Variants in MBNL2 observed in about 807,000 individuals in gnomAD.
MBNL2 encodes muscleblind like splicing regulator 2.
A neutral mutation model predicts 41.9 loss-of-function variants in MBNL2; 17 were observed. The ratio of observed to expected loss-of-function variants is 0.41; its 90% CI spans 0.28 to 0.61. The LOEUF (loss-of-function observed/expected upper bound fraction) is 0.61, where lower values mean the gene tolerates loss of function less well. Ranked by LOEUF, MBNL2 falls within the 20% of genes least tolerant of loss-of-function variation. MBNL2 has a pLI of 0.35. For missense variants in MBNL2, 336 were observed against 505.6 expected, an observed-to-expected ratio of 0.66 and a Z score of 3.22; for synonymous variants, 195 against 182.9, an observed-to-expected ratio of 1.07 and a Z score of -0.53.
chr13:97,200,226 A>G, the MBNL2 span, among the ~76,000 whole-genome samples: 1 of 152,200 alleles, frequency 6.6e-6, no homozygotes, highest in Non-Finnish European at 1.5e-5. Context: ...TGTAAGGAGC[A>G]GATCTTTGGG....
chr13:97,335,367 A>C (rs2060789814), intron 3 of MBNL2, among the ~76,000 whole-genome samples: 1 of 152,136 alleles, frequency 6.6e-6, no homozygotes, highest in Admixed American at 6.5e-5. Flanking sequence ...TTTGTATAAA[A>C]ATCCCTTTAT....
chr13:97,264,596 A>G (rs775245518), intron 1 of MBNL2, among the ~76,000 whole-genome samples: 2 of 152,190 alleles, frequency 1.3e-5, no homozygotes, highest in Non-Finnish European at 2.9e-5. Flanking sequence ...AGTTATGGCA[A>G]TATATTGATT....
chr13:97,269,293 T>C (rs1286494886), intron 1 of MBNL2, among the ~76,000 whole-genome samples: 1 of 152,230 alleles, frequency 6.6e-6, no homozygotes, highest in Admixed American at 6.5e-5. Context: ...AGAGACCCTG[T>C]TCCCAGTGCA....
Position 97,393,785 on chromosome 13 carries a change from CTTTG to C in MBNL2, c.*2340_*2343del, listed in dbSNP as rs1376717508. 1 of 152,402 alleles carries C rather than the reference CTTTG, an allele frequency of 6.6e-6. No homozygotes were observed. The highest frequency in any genetic ancestry group is 1.5e-5 in the Non-Finnish European group (1 of 67,954). 9.4% of individuals were successfully genotyped at this position (152,402 alleles called of 1,614,324 possible). ...GACTATGATGAATAAATCTTAAATG[CTTTG>C]TTTAATTAAAAAACAAAAATCACCA... is the stretch of plus-strand genomic sequence containing the variant. On this transcript the variant is annotated 3_prime_UTR_variant, in exon 9 of 9. Coordinates refer to ENST00000679496, the MANE Select transcript of MBNL2 (RefSeq NM_001382683.1).
chr13:97,314,594 T>C (rs2058878605), intron 2 of MBNL2, among the ~76,000 whole-genome samples: 1 of 152,212 alleles, frequency 6.6e-6, no homozygotes, highest in Admixed American at 6.5e-5. Flanking sequence ...TATCACTCAA[T>C]CATGCAATGA....
rs768580262 is a variant in MBNL2 at position 97,275,947 on chromosome 13, T to A, written c.-289T>A. The A allele has an allele frequency of 3.1e-5, 9 of 285,940 alleles. No individual in the cohort carries two copies. Among genetic ancestry groups the A allele is most frequent in the African/African-American group, 8.7e-5 (4 of 46,144 alleles). The allele number at this position is 285,940 out of a possible 1,614,324, so 17.7% of individuals were successfully genotyped here. A position where few individuals can be genotyped will look rare whatever the true frequency, so the allele number is the denominator to read the frequency against. ...TTGAAGTCACTTTATTAATAACAGC[T>A]GTATCTGCAAAACAGTCAAGAGACT... On this transcript the variant is annotated 5_prime_UTR_variant, in exon 2 of 9. Transcript: ENST00000679496.
At chr13:97,381,245 C>T (rs189406900) in intron 8 of MBNL2, among the ~76,000 whole-genome samples, 271 of 152,212 alleles carry the variant, frequency 1.8e-3, no homozygotes, top group Non-Finnish European at 2.9e-3. Context: ...AAGATGATGA[C>T]GATACACAAA....
intron 8 of MBNL2, among the ~76,000 whole-genome samples, chr13:97,369,543 T>G (rs570015542): frequency 4.6e-4 from 70 of 152,378 alleles, no homozygotes; most frequent in Non-Finnish European, 8.8e-4. Flanking sequence ...TTTGACAGAT[T>G]TTTTGTTAAT....
intron 2 of MBNL2, among the ~76,000 whole-genome samples, chr13:97,285,104 A>G (rs2054166091): frequency 6.6e-6 from 1 of 152,188 alleles, no homozygotes; most frequent in African/African-American, 2.4e-5. Flanking sequence ...TTGTCAGTAC[A>G]CTTCTTTCAG....
At chr13:97,190,355 T>G in the MBNL2 span, among the ~76,000 whole-genome samples, 1 of 152,252 alleles carries the variant, frequency 6.6e-6, no homozygotes, top group Admixed American at 6.5e-5. Flanking sequence ...CCACAGTTTG[T>G]TTGCATTTCA....
At chr13:97,182,934 A>G in the MBNL2 span, among the ~76,000 whole-genome samples, 3 of 152,232 alleles carry the variant, frequency 2.0e-5, no homozygotes, top group African/African-American at 4.8e-5. Flanking sequence ...CCCCAAGTAT[A>G]GATATATCTA....
chr13:97,279,937 A>C (rs536931535), intron 2 of MBNL2, among the ~76,000 whole-genome samples: 2 of 152,162 alleles, frequency 1.3e-5, no homozygotes, highest in Admixed American at 6.5e-5. Context: ...ACCTCGTTGC[A>C]TTTTATGTAA....
chr13:97,266,472 G>A (rs2049828035), intron 1 of MBNL2, among the ~76,000 whole-genome samples: 1 of 152,166 alleles, frequency 6.6e-6, no homozygotes, highest in Admixed American at 6.5e-5. Context: ...TCTTCTCCGA[G>A]GCTGTGATTA....
At chr13:97,163,210 C>A in the MBNL2 span, among the ~76,000 whole-genome samples, 244 of 152,312 alleles carry the variant, frequency 1.6e-3, 1 homozygote, top group African/African-American at 5.3e-3. Flanking sequence ...CTCCACTCTT[C>A]CTTTCTTTTT....
At chr13:97,313,847 C>T (rs2058811284) in intron 2 of MBNL2, among the ~76,000 whole-genome samples, 1 of 152,336 alleles carries the variant, frequency 6.6e-6, no homozygotes, top group South Asian at 2.1e-4. Flanking sequence ...CTCTGACCTG[C>T]TCTGTGATCA....
intron 2 of MBNL2, among the ~76,000 whole-genome samples, chr13:97,287,960 G>A (rs1164134956): frequency 7.8e-6 from 1 of 128,728 alleles, no homozygotes; most frequent in Non-Finnish European, 1.6e-5. Flanking sequence ...TTTTAGTAGA[G>A]ATGGGGTTTC....
the MBNL2 span, among the ~76,000 whole-genome samples, chr13:97,174,597 C>T: frequency 6.6e-6 from 1 of 152,022 alleles, no homozygotes; most frequent in Non-Finnish European, 1.5e-5. Flanking sequence ...TGCTGCAAAC[C>T]CCAAGACAAA....
At chr13:97,145,097 C>T in the MBNL2 span, among the ~76,000 whole-genome samples, 1 of 152,186 alleles carries the variant, frequency 6.6e-6, no homozygotes, top group Non-Finnish European at 1.5e-5. Context: ...AGAACGCAGG[C>T]TTCCCTACAT....
At chr13:97,355,879 A>G (rs950885885) in intron 5 of MBNL2, among the ~76,000 whole-genome samples, 3 of 152,238 alleles carry the variant, frequency 2.0e-5, no homozygotes, top group Admixed American at 1.3e-4. Flanking sequence ...TAAAAGTACA[A>G]ATAGAATTAC....
Sources: gnomAD v4.1 joint callset for allele counts (sites outside exome capture counted in the v4.1 genomes callset) on GRCh38, gnomAD v4.1.1 for gene constraint, MANE v1.5 for transcripts, NCBI Gene and HGNC (gene_info 2026-07-23, HGNC 2026-07-21) for gene names.